Variants in WWOX observed in about 807,000 individuals in gnomAD.
WWOX encodes the protein WW domain containing oxidoreductase.
In WWOX, 69 loss-of-function variants were observed where a neutral mutation model predicts 46.2. The ratio of observed to expected loss-of-function variants is 1.49; its 90% CI spans 1.23 to 1.82. WWOX has a LOEUF of 1.82. WWOX is among the 40% of genes most tolerant of loss of function. The probability of loss-of-function intolerance (pLI) is 0.00; values close to 1 mark genes in which losing one functional copy is unlikely to be tolerated. For synonymous variants in WWOX, 359 were observed against 202.6 expected (o/e 1.77, Z -6.56); for missense variants, 919 against 542.6 (o/e 1.69, Z -6.89).
At chr16:78,834,962 C>G (rs2051937696) in intron 8 of WWOX, among the ~76,000 whole-genome samples, 1 of 152,272 alleles carries the variant, frequency 6.6e-6, no homozygotes, top group East Asian at 1.9e-4. Context: ...TGTCAGGAAC[C>G]AGACACTGTG....
chr16:78,159,556 A>G (rs914838960), intron 4 of WWOX, among the ~76,000 whole-genome samples: 5 of 151,658 alleles, frequency 3.3e-5, no homozygotes, highest in African/African-American at 9.7e-5. Context: ...TGTGGTTTCA[A>G]TTTGCATTTT....
intron 8 of WWOX, among the ~76,000 whole-genome samples, chr16:78,768,728 C>A (rs190439972): frequency 6.6e-6 from 1 of 152,096 alleles, no homozygotes; most frequent in East Asian, 1.9e-4. Context: ...TTTTAATTAT[C>A]GGCGTGTTTT....
Position 79,106,953 on chromosome 16 carries a change from G to GC in WWOX, c.1057-104649dup, listed in dbSNP as rs557688833. Among the ~76,000 whole-genome samples, 306 of 151,704 alleles carry GC rather than the reference G, an allele frequency of 2.0e-3. 12 individuals are homozygous for GC. The South Asian group carries it at 0.062, about 31-fold the overall frequency. ...CTCTCGAGTAGCTGGGATTCTGGGT[G>GC]CCCCCCGCAACCATGTCCCACGAAT... On this transcript the variant is annotated intron_variant, in intron 8 of 8. Transcript: ENST00000566780.
At chr16:79,150,169 A>T (rs1393323221) in intron 8 of WWOX, among the ~76,000 whole-genome samples, 1 of 152,214 alleles carries the variant, frequency 6.6e-6, no homozygotes, top group Admixed American at 6.5e-5. Flanking sequence ...GAAGATTAAA[A>T]ATGAAAACTC....
At chr16:78,187,446 A>G (rs1016510686) in intron 5 of WWOX, among the ~76,000 whole-genome samples, 1 of 152,224 alleles carries the variant, frequency 6.6e-6, no homozygotes, top group African/African-American at 2.4e-5. Context: ...TACTAAAAAT[A>G]CAAAAAATTA....
At chr16:79,073,033 G>A (rs936810694) in intron 8 of WWOX, among the ~76,000 whole-genome samples, 3 of 152,052 alleles carry the variant, frequency 2.0e-5, no homozygotes, top group Non-Finnish European at 2.9e-5. Context: ...ATATCTAGAC[G>A]TGTGCTAGCC....
At chr16:79,003,120 G>A (rs560345926) in intron 8 of WWOX, among the ~76,000 whole-genome samples, 76 of 152,312 alleles carry the variant, frequency 5.0e-4, no homozygotes, top group African/African-American at 1.8e-3. Flanking sequence ...CTCTTTTGCA[G>A]TGAGCAGAGA....
intron 8 of WWOX, among the ~76,000 whole-genome samples, chr16:78,478,359 C>A (rs759419480): frequency 1.3e-5 from 2 of 152,250 alleles, no homozygotes; most frequent in South Asian, 4.1e-4. Context: ...ATGTAAATAA[C>A]TGAGCTCATT....
intron 7 of WWOX, among the ~76,000 whole-genome samples, chr16:78,426,699 C>G (rs2083086778): frequency 6.6e-6 from 1 of 152,082 alleles, no homozygotes; most frequent in Non-Finnish European, 1.5e-5. Flanking sequence ...GAGTCTTGAT[C>G]TGTTACCAGG....
At chr16:78,163,425 TG>T (rs2034863497) in intron 4 of WWOX, among the ~76,000 whole-genome samples, 1 of 152,222 alleles carries the variant, frequency 6.6e-6, no homozygotes, top group African/African-American at 2.4e-5. Flanking sequence ...CCTTTCCTGG[TG>T]GGTCCTGAGC....
At chr16:78,951,406 C>G (rs1040853925) in intron 8 of WWOX, among the ~76,000 whole-genome samples, 3 of 152,100 alleles carry the variant, frequency 2.0e-5, no homozygotes, top group African/African-American at 7.2e-5. Context: ...AATCATTGAG[C>G]CAATCACCGT....
chr16:78,369,732 A>G (rs377761165), intron 5 of WWOX, among the ~76,000 whole-genome samples: 211 of 152,004 alleles, frequency 1.4e-3, no homozygotes, highest in Admixed American at 2.1e-3. Context: ...ATTAAACCCA[A>G]TTGTTAAAAT....
chr16:79,194,685 C>T (rs138769256), intron 8 of WWOX, among the ~76,000 whole-genome samples: 4 of 152,332 alleles, frequency 2.6e-5, no homozygotes, highest in East Asian at 1.9e-4. Flanking sequence ...CTACAGCCCC[C>T]GCTCTGCTGA....
At chr16:78,248,970 C>T (rs2037904620) in intron 5 of WWOX, among the ~76,000 whole-genome samples, 3 of 150,266 alleles carry the variant, frequency 2.0e-5, no homozygotes, top group Admixed American at 2.0e-4. Flanking sequence ...GATTCTCCTG[C>T]CTCAGCCTCC....
Position 78,338,109 on chromosome 16 carries a change from C to T in WWOX, c.517-48751C>T, listed in dbSNP as rs146580506. Among the ~76,000 whole-genome samples, 39 of 121,632 alleles carry T rather than the reference C, an allele frequency of 3.2e-4. 1 individual carries two copies. In the East Asian group the frequency reaches 6.9e-3, roughly 22 times the overall value. The allele number at this position is 121,632 out of a possible 152,430, so 79.8% of individuals were successfully genotyped here. ...AAGGAGAGATGGTAACTAATTTAGG[C>T]AGTGTCTTTTGCTTTCACATGGTGT... On this transcript the variant is annotated intron_variant, in intron 5 of 8. Coordinates refer to ENST00000566780, the MANE Select transcript of WWOX (RefSeq NM_016373.4).
chr16:78,955,016 C>T (rs545634890), intron 8 of WWOX, among the ~76,000 whole-genome samples: 6 of 152,142 alleles, frequency 3.9e-5, no homozygotes, highest in African/African-American at 1.4e-4. Flanking sequence ...TCTCAAACTC[C>T]TGGCTTCAAG....
rs1468286399 is a variant in WWOX, at chr16:78,755,902, A to G, written c.1056+323150A>G. 2.0e-5 allele frequency among the ~76,000 whole-genome samples: 3 copies of G among 152,186 alleles called. No homozygotes were observed. In the East Asian group the frequency reaches 5.8e-4, roughly 29 times the overall value. ...TCAAGAATTACTGTAACTTCATAGG[A>G]TTTTTGTCAGGACGCTATGATGAGA... On this transcript the variant is annotated intron_variant, in intron 8 of 8. Coordinates refer to ENST00000566780, the MANE Select transcript of WWOX (RefSeq NM_016373.4).
At chr16:79,096,889 C>G (rs1000901980) in intron 8 of WWOX, among the ~76,000 whole-genome samples, 1 of 151,956 alleles carries the variant, frequency 6.6e-6, no homozygotes, top group African/African-American at 2.4e-5. Flanking sequence ...TCACTAGATT[C>G]TTTATACTCT....
intron 5 of WWOX, among the ~76,000 whole-genome samples, chr16:78,187,878 G>A (rs544145394): frequency 6.6e-6 from 1 of 152,248 alleles, no homozygotes; most frequent in South Asian, 2.1e-4. Flanking sequence ...AGGTAGATGC[G>A]GTGGGTTCTA....
Sources: gnomAD v4.1 joint callset for allele counts (sites outside exome capture counted in the v4.1 genomes callset) on GRCh38, gnomAD v4.1.1 for gene constraint, MANE v1.5 for transcripts, NCBI Gene and HGNC (gene_info 2026-07-23, HGNC 2026-07-21) for gene names.